Variants in LANCL2 observed in about 807,000 individuals in gnomAD.
LANCL2 encodes the protein LanC like glutathione S-transferase 2.
Under a neutral mutation model 56.9 loss-of-function variants are expected in LANCL2, and 33 were observed. The observed-to-expected ratio is 0.58, with a 90% confidence interval of 0.44 to 0.78. The LOEUF is 0.78. Ranked by LOEUF, LANCL2 falls within the 30% of genes least tolerant of loss-of-function variation. LANCL2 has a pLI of 0.00. For missense variants in LANCL2, 562 were observed against 580.2 expected (o/e 0.97, Z 0.32); for synonymous variants, 233 against 228.2 (o/e 1.02, Z -0.19).
At chr7:55,403,761 G>A (rs1790372501) in intron 5 of LANCL2, among the ~76,000 whole-genome samples, 1 of 151,634 alleles carries the variant, frequency 6.6e-6, no homozygotes, top group African/African-American at 2.4e-5. Context: ...TAGTAGAGAC[G>A]GGGTTTCACC....
rs1481515427 is a variant in LANCL2, at chr7:55,365,966, G to A, written c.-60G>A. ...GGCCCTCGGAGGAGGCGGCGGCGGG[G>A]CGAGCTGCAGCGCCGGGACAGGAGG... On this transcript the variant is annotated 5_prime_UTR_variant, in exon 1 of 9. Coordinates refer to ENST00000254770, the MANE Select transcript of LANCL2 (RefSeq NM_018697.4). The A allele has an allele frequency of 2.3e-6, 3 of 1,298,470 alleles. No individual in the cohort carries two copies. Among genetic ancestry groups the A allele is most frequent in the Middle Eastern group, 2.1e-4 (1 of 4,696 alleles). 80.4% of individuals were successfully genotyped at this position (1,298,470 alleles called of 1,614,324 possible).
At chr7:55,366,294 C>T in intron 1 of LANCL2, 65 bp downstream of exon 1, 8 of 1,346,992 alleles carry the variant, frequency 5.9e-6, no homozygotes, top group Non-Finnish European at 7.9e-6. Flanking sequence ...CGTCCACCTT[C>T]CGCCAGGCGT....
chr7:55,406,164 T>A (rs1790404432), intron 5 of LANCL2, among the ~76,000 whole-genome samples: 2 of 152,080 alleles, frequency 1.3e-5, no homozygotes, highest in African/African-American at 4.8e-5. Flanking sequence ...GCTAGAGAAG[T>A]GTGTGCCTGC....
Position 55,416,058 on chromosome 7 carries a change from G to A in LANCL2, c.1008+3969G>A, listed in dbSNP as rs1189388298. Among the ~76,000 whole-genome samples, 4 of 152,114 alleles carry A rather than the reference G, an allele frequency of 2.6e-5. No individual in the cohort carries two copies. The East Asian group carries it at 7.7e-4, about 29-fold the overall frequency. Reference sequence around the variant, plus strand: ...TAGGAGTAGAATTACTGGATCGGAGGGTAGGTGTATGTTTAGTTTTAGAAA... The same window carrying A: ...TAGGAGTAGAATTACTGGATCGGAGAGTAGGTGTATGTTTAGTTTTAGAAA... On this transcript the variant is annotated intron_variant, in intron 6 of 8. Coordinates refer to ENST00000254770, the MANE Select transcript of LANCL2 (RefSeq NM_018697.4).
intron 1 of LANCL2, among the ~76,000 whole-genome samples, chr7:55,374,833 A>G (rs1343715656): frequency 6.6e-6 from 1 of 152,264 alleles, no homozygotes; most frequent in Non-Finnish European, 1.5e-5. Flanking sequence ...AAGTTTGCAC[A>G]TCATCACATA....
At position 55,401,228 on chromosome 7, in the gene LANCL2, A is replaced by C. The variant is rs779592312; in HGVS notation, c.733A>C (p.Thr245Pro). Residue 245 changes from threonine to proline, a missense_variant, in exon 5 of 9, where the codon ACG becomes CCG. Physicochemically the swap from Thr to Pro is conservative, Grantham distance 38 (BLOSUM62 -1). This residue lies in a region of LANCL2 where 378 missense variants were observed against 468.4 expected (regional missense o/e 0.81). Transcript: ENST00000254770. ...GACTTTGTCAAGGGAAGAAAGAAAA[A>C]CGGAGCGCTGCCCGCTGTTGTACCA... ...GKTLSREERK[T>P]ERCPLLYQWH... The C allele has an allele frequency of 1.2e-6, 2 of 1,614,130 alleles. No homozygotes were observed. The highest frequency in any genetic ancestry group is 1.1e-5 in the South Asian group (1 of 91,088).
intron 1 of LANCL2, among the ~76,000 whole-genome samples, chr7:55,375,359 T>C (rs1332573562): frequency 1.3e-5 from 2 of 152,214 alleles, no homozygotes; most frequent in African/African-American, 4.8e-5. Context: ...TGGAATGACT[T>C]GTTTCCTCAG....
At chr7:55,391,754 T>G in intron 1 of LANCL2, 39 bp from the exon 2 acceptor site, 1 of 1,078,720 alleles carries the variant, frequency 9.3e-7, no homozygotes, top group South Asian at 1.3e-5. Flanking sequence ...ATTGTCCCAT[T>G]CTTGTGAAGT....
chr7:55,407,404 CAG>C, intron 5 of LANCL2, among the ~76,000 whole-genome samples: 1 of 152,264 alleles, frequency 6.6e-6, no homozygotes, highest in Admixed American at 6.5e-5. Context: ...ACAAGTAGCT[CAG>C]ATAAAAGTTT....
chr7:55,395,231 A>G (rs1790236966), intron 2 of LANCL2, among the ~76,000 whole-genome samples: 2 of 152,218 alleles, frequency 1.3e-5, no homozygotes, highest in South Asian at 4.1e-4. Context: ...TATCCATAAT[A>G]TAAAGAAGAA....
At chr7:55,367,574 C>G (rs1307393071) in intron 1 of LANCL2, among the ~76,000 whole-genome samples, 3 of 152,150 alleles carry the variant, frequency 2.0e-5, no homozygotes, top group Non-Finnish European at 4.4e-5. Flanking sequence ...AAGAAAAATA[C>G]AAAAATTAGC....
intron 5 of LANCL2, among the ~76,000 whole-genome samples, chr7:55,407,570 A>G (rs1168028921): frequency 6.6e-6 from 1 of 152,230 alleles, no homozygotes; most frequent in Non-Finnish European, 1.5e-5. Context: ...TGAGATTTAC[A>G]TTTAAGTTGG....
At chr7:55,379,658 G>C (rs1790043458) in intron 1 of LANCL2, 1 of 152,670 alleles carries the variant, frequency 6.6e-6, no homozygotes, top group Non-Finnish European at 1.5e-5. Context: ...AGAAACCAAA[G>C]GTCAAGACAC....
intron 2 of LANCL2, chr7:55,397,024 A>T (rs1410037670): frequency 2.6e-5 from 4 of 152,196 alleles, no homozygotes; most frequent in Non-Finnish European, 4.4e-5. Context: ...TTCTACTTTC[A>T]TATCCGTTTG....
chr7:55,379,532 G>A (rs974751728), intron 1 of LANCL2: 3 of 152,582 alleles, frequency 2.0e-5, no homozygotes, highest in African/African-American at 7.2e-5. Context: ...GGAAGGGTGT[G>A]GGGACTAGAT....
chr7:55,405,812 T>TGAGGAACTTGGAACACTATGTAGTAA (rs1398334349), intron 5 of LANCL2, among the ~76,000 whole-genome samples: 4 of 152,202 alleles, frequency 2.6e-5, no homozygotes, highest in African/African-American at 9.7e-5. Context: ...GCTTTTAAAG[T>TGAGGAACTTGGAACACTATGTAGTAA]GAGGAACTTG....
intron 2 of LANCL2, among the ~76,000 whole-genome samples, chr7:55,394,697 A>G (rs1790229316): frequency 6.6e-6 from 1 of 152,328 alleles, no homozygotes; most frequent in South Asian, 2.1e-4. Flanking sequence ...TGGTGTGCAA[A>G]GAGGAAGCCC....
At chr7:55,404,416 A>G (rs535908981) in intron 5 of LANCL2, among the ~76,000 whole-genome samples, 51 of 152,150 alleles carry the variant, frequency 3.4e-4, no homozygotes, top group Non-Finnish European at 5.4e-4. Context: ...TGGAAAACCT[A>G]TATATTACTT....
intron 1 of LANCL2, among the ~76,000 whole-genome samples, chr7:55,386,286 A>G (rs1327827406): frequency 6.6e-6 from 1 of 152,220 alleles, no homozygotes; most frequent in Non-Finnish European, 1.5e-5. Context: ...AGTCTTTACA[A>G]TTTATGTTTA....
Sources: gnomAD v4.1 joint callset for allele counts (sites outside exome capture counted in the v4.1 genomes callset) on GRCh38, gnomAD v4.1.1 for gene constraint, gnomAD v4.1.1 regional missense constraint, MANE v1.5 for transcripts, NCBI Gene and HGNC (gene_info 2026-07-23, HGNC 2026-07-21) for gene names.